Variants in GNA14 observed in about 807,000 individuals in gnomAD.
The protein encoded by GNA14 is guanine nucleotide-binding protein subunit alpha-14.
A neutral mutation model predicts 42.0 loss-of-function variants in GNA14; 50 were observed. That is an observed-to-expected ratio of 1.19 (90% CI 0.95 to 1.51). The LOEUF is 1.51. Among genes scored for constraint, GNA14 ranks in the 40% most tolerant of loss-of-function variants. The pLI, the probability that GNA14 is intolerant of heterozygous loss-of-function variation, is 0.00. For missense variants in GNA14, 473 were observed against 446.2 expected (o/e 1.06, Z -0.54); for synonymous variants, 173 against 163.1 (o/e 1.06, Z -0.46).
intron 2 of GNA14, among the ~76,000 whole-genome samples, chr9:77,503,082 T>C (rs1837001096): frequency 6.6e-6 from 1 of 152,194 alleles, no homozygotes; most frequent in Non-Finnish European, 1.5e-5. Context: ...CCTTATTCTT[T>C]CCACCCTTCA....
At chr9:77,483,849 A>G (rs1836608570) in intron 2 of GNA14, among the ~76,000 whole-genome samples, 1 of 152,004 alleles carries the variant, frequency 6.6e-6, no homozygotes, top group Admixed American at 6.5e-5. Flanking sequence ...TTTGAGAAAA[A>G]GAGAATATAT....
At chr9:77,592,891 T>G (rs965734929) in intron 1 of GNA14, among the ~76,000 whole-genome samples, 2 of 152,160 alleles carry the variant, frequency 1.3e-5, no homozygotes, top group Non-Finnish European at 2.9e-5. Context: ...AGGCATTTGA[T>G]TAACACTTTT....
chr9:77,503,730 T>C (rs1321499966), intron 2 of GNA14, among the ~76,000 whole-genome samples: 1 of 150,280 alleles, frequency 6.7e-6, no homozygotes, highest in Non-Finnish European at 1.5e-5. Flanking sequence ...TGATCTCGGC[T>C]CACTGCAGCC....
In GNA14 at chr9:77,443,672, C is replaced by T. The variant is rs1281311521; in HGVS notation, c.310-9150G>A. 5.9e-5 allele frequency among the ~76,000 whole-genome samples: 9 copies of T among 152,296 alleles called. No individual in the cohort carries two copies. The East Asian group carries it at 1.7e-3, about 29-fold the overall frequency. On this transcript the variant is annotated intron_variant, in intron 2 of 6. Transcript: ENST00000341700. ...TGAGGGGCCAAGTTCGTTACTTTAT[C>T]TTTTCTTACCAGTCAAAACTTCAGT... is the stretch of plus-strand genomic sequence containing the variant.
At chr9:77,607,402 A>G (rs1823658492) in intron 1 of GNA14, among the ~76,000 whole-genome samples, 1 of 152,194 alleles carries the variant, frequency 6.6e-6, no homozygotes, top group Admixed American at 6.5e-5. Context: ...CCACTGTTTG[A>G]GTCAGAAGAT....
chr9:77,452,255 CT>C (rs1322922270), intron 2 of GNA14, among the ~76,000 whole-genome samples: 1 of 152,100 alleles, frequency 6.6e-6, no homozygotes, highest in African/African-American at 2.4e-5. Context: ...ACAGATTTGC[CT>C]TTAAGTAGCA....
chr9:77,515,203 C>A (rs183693819), intron 2 of GNA14, among the ~76,000 whole-genome samples: 1 of 152,214 alleles, frequency 6.6e-6, no homozygotes, highest in Non-Finnish European at 1.5e-5. Context: ...AACTGGCCTG[C>A]ATCTATGTCA....
chr9:77,478,003 C>A (rs1273438058), intron 2 of GNA14, among the ~76,000 whole-genome samples: 4 of 147,546 alleles, frequency 2.7e-5, no homozygotes, highest in Admixed American at 6.8e-5. Context: ...ACACAGAAAA[C>A]AGAATGAGAG....
At chr9:77,447,078 C>T (rs1329708999) in intron 2 of GNA14, among the ~76,000 whole-genome samples, 1 of 152,066 alleles carries the variant, frequency 6.6e-6, no homozygotes, top group Non-Finnish European at 1.5e-5. Context: ...ATTCTCCTGC[C>T]TCAGCCTCCC....
At chr9:77,531,172 G>A (rs1177294030) in intron 1 of GNA14, among the ~76,000 whole-genome samples, 1 of 152,074 alleles carries the variant, frequency 6.6e-6, no homozygotes, top group Non-Finnish European at 1.5e-5. Flanking sequence ...ACACATTTGG[G>A]CACCACGAAC....
At chr9:77,626,361 T>G (rs896526502) in intron 1 of GNA14, among the ~76,000 whole-genome samples, 13 of 152,270 alleles carry the variant, frequency 8.5e-5, no homozygotes, top group African/African-American at 3.1e-4. Context: ...ATTCAGGACT[T>G]GAACTCAGCC....
chr9:77,588,533 G>A (rs1457221312), intron 1 of GNA14, among the ~76,000 whole-genome samples: 2 of 152,174 alleles, frequency 1.3e-5, no homozygotes, highest in Non-Finnish European at 2.9e-5. Flanking sequence ...TCTGACAGCT[G>A]AATGAGTCAC....
chr9:77,585,609 A>C (rs1457034965), intron 1 of GNA14, among the ~76,000 whole-genome samples: 1 of 152,214 alleles, frequency 6.6e-6, no homozygotes, highest in Non-Finnish European at 1.5e-5. Flanking sequence ...TCATCTCTGA[A>C]TGTGACCTGC....
At chr9:77,634,434 A>G (rs1447937729) in intron 1 of GNA14, among the ~76,000 whole-genome samples, 3 of 148,236 alleles carry the variant, frequency 2.0e-5, no homozygotes, top group Non-Finnish European at 3.0e-5. Flanking sequence ...AAAAAAAAAA[A>G]GGAAGGAAGG....
chr9:77,554,377 C>A (rs17786081), intron 1 of GNA14, among the ~76,000 whole-genome samples: 5 of 152,116 alleles, frequency 3.3e-5, no homozygotes, highest in African/African-American at 4.8e-5. Context: ...ACAATTCTAT[C>A]CCCTCTTGGT....
chr9:77,604,104 T>G (rs777669511), intron 1 of GNA14, among the ~76,000 whole-genome samples: 1 of 152,020 alleles, frequency 6.6e-6, no homozygotes, highest in Non-Finnish European at 1.5e-5. Context: ...TTTGTAAATA[T>G]AAGACTTCAG....
intron 1 of GNA14, among the ~76,000 whole-genome samples, chr9:77,590,300 A>G (rs761509590): frequency 1.8e-4 from 27 of 152,136 alleles, no homozygotes; most frequent in Non-Finnish European, 3.4e-4. Flanking sequence ...CTCCTGTAAA[A>G]TTAAGTTTCT....
intron 2 of GNA14, among the ~76,000 whole-genome samples, chr9:77,458,907 G>GT (rs1021593609): frequency 6.8e-6 from 1 of 147,388 alleles, no homozygotes; most frequent in African/African-American, 2.4e-5. Flanking sequence ...AAGCTGGAGG[G>GT]GGGGGGGTTG....
chr9:77,462,957 G>A (rs1836139966), intron 2 of GNA14, among the ~76,000 whole-genome samples: 1 of 152,150 alleles, frequency 6.6e-6, no homozygotes, highest in Non-Finnish European at 1.5e-5. Context: ...CAGCAGAGGA[G>A]TAACCCACTG....
Sources: allele counts gnomAD v4.1 joint callset (sites outside exome capture counted in the v4.1 genomes callset), GRCh38; gene constraint gnomAD v4.1.1; transcripts MANE v1.5; gene names NCBI Gene and HGNC (gene_info 2026-07-23, HGNC 2026-07-21).